Variants in DNAJB1 observed in about 807,000 individuals in gnomAD.
DNAJB1 encodes dnaJ homolog subfamily B member 1.
A neutral mutation model predicts 24.0 loss-of-function variants in DNAJB1; 14 were observed. That is an observed-to-expected ratio of 0.58 (90% CI 0.39 to 0.91). DNAJB1 has a LOEUF of 0.91. DNAJB1 is among the 40% of genes least tolerant of loss of function. DNAJB1 has a pLI of 0.00. For synonymous variants in DNAJB1, 262 were observed against 174.4 expected, an observed-to-expected ratio of 1.50 and a Z score of -3.96; for missense variants, 517 against 458.1, an observed-to-expected ratio of 1.13 and a Z score of -1.17.
chr19:14,529,514 G>A (rs1444276008), upstream of DNAJB1: 1 of 787,398 alleles, frequency 1.3e-6, no homozygotes, highest in Non-Finnish European at 2.2e-6. Flanking sequence ...CAAGGAGCAG[G>A]GGCGAACGTG....
upstream of DNAJB1, among the ~76,000 whole-genome samples, chr19:14,560,358 A>G (rs2073866901): frequency 1.3e-5 from 2 of 152,068 alleles, no homozygotes; most frequent in South Asian, 2.1e-4. Flanking sequence ...CTGCCTTCCT[A>G]CAGGCCACAC....
At chr19:14,525,312 A>G (rs2072407487) in intron 2 of DNAJB1, among the ~76,000 whole-genome samples, 1 of 129,748 alleles carries the variant, frequency 7.7e-6, no homozygotes, top group African/African-American at 3.1e-5. Flanking sequence ...CAACACCAGC[A>G]GGGTAAAATC....
intron 1 of DNAJB1, among the ~76,000 whole-genome samples, chr19:14,559,968 C>T (rs772396830): frequency 2.1e-4 from 21 of 98,840 alleles, no homozygotes; most frequent in Non-Finnish European, 3.3e-4. Flanking sequence ...CCCAGGTGGC[C>T]CTAGCCTTGG....
chr19:14,550,693 G>A (rs2073468979), upstream of DNAJB1, among the ~76,000 whole-genome samples: 1 of 152,022 alleles, frequency 6.6e-6, no homozygotes, highest in Non-Finnish European at 1.5e-5. Context: ...TGGTTTGTTT[G>A]TTTTTTAGAT....
At chr19:14,539,412 G>T (rs1194636261) in intron 1 of DNAJB1, among the ~76,000 whole-genome samples, 1 of 152,062 alleles carries the variant, frequency 6.6e-6, no homozygotes, top group African/African-American at 2.4e-5. Context: ...ATCCCAGGAA[G>T]TGGAGGCTAG....
chr19:14,529,473 T>C (rs2146541249), upstream of DNAJB1: 1 of 673,284 alleles, frequency 1.5e-6, no homozygotes, highest in East Asian at 2.7e-5. Flanking sequence ...AATCCCCTGG[T>C]GCTAGTCCTA....
In DNAJB1 at chr19:14,516,147, G is replaced by A. The variant is rs2230250; in HGVS notation, c.816C>T (p.Asn272=). The A allele has an allele frequency of 1.6e-3, 2,560 of 1,613,218 alleles. 36 individuals carry two copies. In the African/African-American group the frequency reaches 0.026, roughly 16 times the overall value. ...TCGTCCTGCCGTCCAGAGTGGGGAC[G>A]TTCACTGTGCAGCCACACAGAGCCT... is the stretch of plus-strand genomic sequence containing the variant. ...LREALCGCTV[N]VPTLDGRTIP... The change falls in exon 3 of 3, where the codon AAC becomes AAT. Residue 272 remains asparagine, a synonymous_variant. Transcript: ENST00000254322.
In DNAJB1 at chr19:14,518,236, C is replaced by T; in HGVS notation, c.114G>A (p.Glu38=). 6.2e-7 allele frequency: 1 copy of T among 1,609,656 alleles called. No individual in the cohort carries two copies. The highest frequency in any genetic ancestry group is 1.3e-5 in the African/African-American group (1 of 74,622). Residue 38 remains glutamate (E), a synonymous_variant, in exon 1 of 3, where the codon GAG becomes GAA. Transcript: ENST00000254322. ...ALRYHPDKNK[E]PGAEEKFKEI... ...CCTTGAACTTCTCCTCGGCGCCGGG[C>T]TCCTTGTTCTTGTCCGGGTGGTAGC... is the stretch of plus-strand genomic sequence containing the variant.
Position 14,515,601 on chromosome 19 carries a change from A to G in DNAJB1, c.*339T>C, listed in dbSNP as rs774938616. On this transcript the variant is annotated 3_prime_UTR_variant, in exon 3 of 3. Coordinates refer to ENST00000254322, the MANE Select transcript of DNAJB1 (RefSeq NM_006145.3). ...TTATCTACCAGCCAGAAGCAAAAAG[A>G]CACAGAGGGATCAAGTCCATCTGCT... The G allele has an allele frequency of 6.5e-6, 2 of 305,534 alleles. No individual in the cohort carries two copies. The highest frequency in any genetic ancestry group is 7.2e-5 in the South Asian group (2 of 27,914). 18.9% of individuals were successfully genotyped at this position (305,534 alleles called of 1,614,324 possible).
intron 1 of DNAJB1, among the ~76,000 whole-genome samples, chr19:14,542,374 T>TTTTTTTTTTC (rs1469315066): frequency 1.7e-5 from 2 of 117,182 alleles, no homozygotes; most frequent in African/African-American, 6.7e-5. Flanking sequence ...TTTTTTTTTT[T>TTTTTTTTTTC]TTCTGAGATG....
chr19:14,516,374 C>A (rs773636811), intron 2 of DNAJB1, 92 bp downstream of exon 2: 4 of 1,428,816 alleles, frequency 2.8e-6, no homozygotes, highest in Non-Finnish European at 2.9e-6. Context: ...TGGCACGCAC[C>A]ACACACCCCA....
At chr19:14,558,322 C>T (rs912834894) in intron 1 of DNAJB1, among the ~76,000 whole-genome samples, 14 of 152,162 alleles carry the variant, frequency 9.2e-5, no homozygotes, top group African/African-American at 3.1e-4. Flanking sequence ...TTAGTAATAT[C>T]TTCATGACCA....
chr19:14,557,281 C>T (rs190640669), intron 1 of DNAJB1, among the ~76,000 whole-genome samples: 236 of 151,624 alleles, frequency 1.6e-3, no homozygotes, highest in Non-Finnish European at 2.6e-3. Context: ...GCTGGGATTA[C>T]AGGCACACAC....
At chr19:14,536,867 C>T (rs2072916295) in intron 1 of DNAJB1, among the ~76,000 whole-genome samples, 1 of 151,626 alleles carries the variant, frequency 6.6e-6, no homozygotes, top group Non-Finnish European at 1.5e-5. Context: ...TGGAAAGCCT[C>T]AGCTTGGTGC....
At chr19:14,549,473 G>GC (rs1266967455) in intron 1 of DNAJB1, among the ~76,000 whole-genome samples, 1 of 151,832 alleles carries the variant, frequency 6.6e-6, no homozygotes, top group Non-Finnish European at 1.5e-5. Context: ...GCCCTCCTTG[G>GC]CCCCCTAACC....
In DNAJB1 at chr19:14,550,052, T is replaced by C. The variant is rs74528460; in HGVS notation, c.-214+156A>G. On this transcript the variant is annotated intron_variant, in intron 1 of 3. Coordinates refer to the DNAJB1 transcript ENST00000676982. Reference sequence around the variant, plus strand: ...ATGTCGCACGTCACCTTTGAACATATTACATATAGCGATTTATTTCATTGT... The same window carrying C: ...ATGTCGCACGTCACCTTTGAACATACTACATATAGCGATTTATTTCATTGT... Among the ~76,000 whole-genome samples the C allele has an allele frequency of 7.5e-3, 1,144 of 152,158 alleles. 20 individuals carry two copies. Among genetic ancestry groups the C allele is most frequent in the African/African-American group, 0.026 (1,079 of 41,534 alleles).
At chr19:14,540,209 A>G (rs1437131871) in intron 1 of DNAJB1, among the ~76,000 whole-genome samples, 1 of 150,784 alleles carries the variant, frequency 6.6e-6, no homozygotes, top group African/African-American at 2.4e-5. Context: ...ACAGGCACCC[A>G]CCACCACGCC....
intron 1 of DNAJB1, chr19:14,517,925 G>A: frequency 2.1e-6 from 1 of 466,542 alleles, no homozygotes; most frequent in Non-Finnish European, 3.6e-6. Flanking sequence ...CCCCAGACAT[G>A]CTAGAAGCTT....
chr19:14,556,472 C>T (rs1187549272), intron 1 of DNAJB1, among the ~76,000 whole-genome samples: 1 of 151,558 alleles, frequency 6.6e-6, no homozygotes, highest in African/African-American at 2.4e-5. Flanking sequence ...TAGTTTTGTT[C>T]ACAACTCTTG....
Sources: allele counts gnomAD v4.1 joint callset (sites outside exome capture counted in the v4.1 genomes callset), GRCh38; gene constraint gnomAD v4.1.1; transcripts MANE v1.5; gene names NCBI Gene and HGNC (gene_info 2026-07-23, HGNC 2026-07-21).